The following INSR variants were observed in gnomAD, a reference collection of about 807,000 sequenced individuals.
INSR encodes the protein IR.
In INSR, 67 loss-of-function variants were observed where a neutral mutation model predicts 142.6. That is an observed-to-expected ratio of 0.47 (90% confidence interval 0.39 to 0.58). The LOEUF (loss-of-function observed/expected upper bound fraction) is 0.58, where lower values mean the gene tolerates loss of function less well. Ranked by LOEUF, INSR falls within the 20% of genes least tolerant of loss-of-function variation. The pLI is 0.00. For missense variants in INSR, 1,248 were observed against 1,833.2 expected (o/e 0.68, Z 5.83); for synonymous variants, 756 against 743.1 (o/e 1.02, Z -0.28).
intron 1 of INSR, among the ~76,000 whole-genome samples, chr19:7,286,991 C>T (rs1159867294): frequency 1.3e-5 from 2 of 151,860 alleles, no homozygotes; most frequent in Non-Finnish European, 2.9e-5. Context: ...GGACTACAGA[C>T]ACATGCCACC....
rs747157246 is a variant in INSR at position 7,267,768 on chromosome 19, T to G, written c.229A>C (p.Ser77Arg). ...KTRPEDFRDL[S>R]FPKLIMITDY... Reference sequence around the variant, plus strand: ...GTGATCATGATGAGTTTGGGGAAACTGAGGTCTCGGAAATCTTCGGGCCTC... The same window carrying G: ...GTGATCATGATGAGTTTGGGGAAACGGAGGTCTCGGAAATCTTCGGGCCTC... The change falls in exon 2 of 22, where the codon AGT becomes CGT. Residue 77 changes from serine (S) to arginine (R), a missense_variant. Physicochemically the swap from Ser to Arg is moderately radical, Grantham distance 110. This residue lies in a region of INSR where 1,069 missense variants were observed against 1,654.0 expected (regional missense o/e 0.65). Transcript: ENST00000302850. The surrounding 1 kb of genome is among the most constrained non-coding windows in gnomAD (Gnocchi z 6.3). The G allele has an allele frequency of 6.2e-7, 1 of 1,614,144 alleles. No homozygotes were observed. The highest frequency in any genetic ancestry group is 1.1e-5 in the South Asian group (1 of 91,078).
chr19:7,186,521 A>G (rs2144996559), intron 2 of INSR, among the ~76,000 whole-genome samples: 1 of 152,102 alleles, frequency 6.6e-6, no homozygotes, highest in Non-Finnish European at 1.5e-5. Context: ...CATTGTAATC[A>G]TGTTTAAATG....
chr19:7,163,327 A>G, intron 8 of INSR, 128 bp from the exon 9 acceptor site: 1 of 881,412 alleles, frequency 1.1e-6, no homozygotes, highest in South Asian at 1.3e-5. Context: ...TTGGGCGGCC[A>G]AGGCAGGCGG....
At chr19:7,201,667 C>T (rs1418089744) in intron 2 of INSR, among the ~76,000 whole-genome samples, 10 of 127,886 alleles carry the variant, frequency 7.8e-5, no homozygotes, top group African/African-American at 2.2e-4. Flanking sequence ...TATTTTCATT[C>T]TTTTTTTTTT....
intron 2 of INSR, among the ~76,000 whole-genome samples, chr19:7,219,765 T>C (rs1236434100): frequency 6.6e-6 from 1 of 152,206 alleles, no homozygotes; most frequent in Non-Finnish European, 1.5e-5. Context: ...TACAGCTAGA[T>C]CCAGGTGTCA....
At chr19:7,291,855 C>T (rs906982002) in intron 1 of INSR, among the ~76,000 whole-genome samples, 10 of 152,058 alleles carry the variant, frequency 6.6e-5, no homozygotes, top group Non-Finnish European at 4.4e-5. Flanking sequence ...CCCAGTGGCA[C>T]GATCTTGGCT....
chr19:7,174,210 T>C (rs1214692845), intron 4 of INSR, among the ~76,000 whole-genome samples: 2 of 151,782 alleles, frequency 1.3e-5, no homozygotes, highest in African/African-American at 4.8e-5. Flanking sequence ...GAGGACTGCA[T>C]GAGCCCAAGA....
At chr19:7,136,185 C>T (rs553503875) in intron 13 of INSR, among the ~76,000 whole-genome samples, 34 of 152,000 alleles carry the variant, frequency 2.2e-4, no homozygotes, top group Admixed American at 9.8e-4. Flanking sequence ...TAATTTGGGG[C>T]TGAGTTTTGT....
chr19:7,137,966 CTTTTT>C (rs537243579), intron 13 of INSR, among the ~76,000 whole-genome samples: 3 of 133,748 alleles, frequency 2.2e-5, no homozygotes, highest in African/African-American at 8.7e-5. Flanking sequence ...TTTTCTTTTT[CTTTTT>C]TTTTTTTTTT....
intron 2 of INSR, among the ~76,000 whole-genome samples, chr19:7,236,917 C>A (rs1186114963): frequency 6.6e-6 from 1 of 151,258 alleles, no homozygotes; most frequent in African/African-American, 2.4e-5. Flanking sequence ...GTCCCAGCTA[C>A]TCGGGAGGCT....
chr19:7,276,875 C>T (rs756467491), intron 1 of INSR, among the ~76,000 whole-genome samples: 23 of 152,180 alleles, frequency 1.5e-4, no homozygotes, highest in Non-Finnish European at 2.8e-4. Context: ...AGATTACAGG[C>T]GCCCGCCACC....
At chr19:7,146,703 C>G (rs551051621) in intron 11 of INSR, among the ~76,000 whole-genome samples, 9 of 152,244 alleles carry the variant, frequency 5.9e-5, no homozygotes, top group African/African-American at 1.9e-4. Context: ...GGCCAAGGGA[C>G]TTTTTTGAGG....
rs1324787662 is a variant in INSR at position 7,146,598 on chromosome 19, A to G, written c.2268-3508T>C. ...TCATTTCATAAAATGAACTGGGATA[A>G]CTTTTATAGATTTCTGTGCCCTAAA... On this transcript the variant is annotated intron_variant, in intron 11 of 21. Coordinates refer to ENST00000302850, the MANE Select transcript of INSR (RefSeq NM_000208.4). Among the ~76,000 whole-genome samples, 5 of 152,250 alleles carry G rather than the reference A, an allele frequency of 3.3e-5. No homozygotes were observed. In the East Asian group the frequency reaches 9.6e-4, roughly 29 times the overall value.
At chr19:7,227,905 A>G (rs567706135) in intron 2 of INSR, among the ~76,000 whole-genome samples, 16 of 152,202 alleles carry the variant, frequency 1.1e-4, no homozygotes, top group African/African-American at 3.4e-4. Flanking sequence ...ACCAGAAACA[A>G]GATGGTCTGA....
chr19:7,266,830 T>C (rs1407082733), intron 2 of INSR, among the ~76,000 whole-genome samples: 4 of 152,168 alleles, frequency 2.6e-5, no homozygotes, highest in Non-Finnish European at 5.9e-5. Context: ...ATGTTTTGCT[T>C]TTTTTTCGTT....
chr19:7,145,677 A>C (rs1463934206), intron 11 of INSR, among the ~76,000 whole-genome samples: 1 of 152,254 alleles, frequency 6.6e-6, no homozygotes, highest in Non-Finnish European at 1.5e-5. Context: ...TTCCAATAAG[A>C]GTTCATTTAC....
chr19:7,185,870 GACAA>G (rs1974416807), intron 2 of INSR, among the ~76,000 whole-genome samples: 7 of 104,136 alleles, frequency 6.7e-5, no homozygotes, highest in African/African-American at 2.7e-4. Flanking sequence ...GAGAGAGAGA[GACAA>G]AGAGAGAGAG....
At chr19:7,171,497 A>G (rs1974014437) in intron 5 of INSR, among the ~76,000 whole-genome samples, 1 of 152,104 alleles carries the variant, frequency 6.6e-6, no homozygotes, top group Non-Finnish European at 1.5e-5. Flanking sequence ...GTCAATCTTG[A>G]TCTAGCTAGT....
chr19:7,213,642 A>C (rs1177977041), intron 2 of INSR, among the ~76,000 whole-genome samples: 1 of 152,178 alleles, frequency 6.6e-6, no homozygotes, highest in Non-Finnish European at 1.5e-5. Context: ...ACCTTCAACA[A>C]CTCACGTCCA....
Sources: allele counts gnomAD v4.1 joint callset (sites outside exome capture counted in the v4.1 genomes callset), GRCh38; gene constraint gnomAD v4.1.1; regional missense constraint gnomAD v4.1.1; non-coding constraint Gnocchi (gnomAD v3.1); transcripts MANE v1.5; gene names NCBI Gene and HGNC (gene_info 2026-07-23, HGNC 2026-07-21).